The following KANK2 variants were observed in gnomAD, a reference collection of about 807,000 sequenced individuals.
The protein encoded by KANK2 is KN motif and ankyrin repeat domain-containing protein 2.
Under a neutral mutation model 74.6 loss-of-function variants are expected in KANK2, and 41 were observed. That is an observed-to-expected ratio of 0.55 (90% CI 0.43 to 0.71). KANK2 has a LOEUF of 0.71. Among genes scored for constraint, KANK2 ranks in the 30% least tolerant of loss-of-function variants. The pLI, the probability that KANK2 is intolerant of heterozygous loss-of-function variation, is 0.00. For missense variants in KANK2, 1,148 were observed against 1,196.4 expected, an observed-to-expected ratio of 0.96 and a Z score of 0.60; for synonymous variants, 537 against 519.0, an observed-to-expected ratio of 1.03 and a Z score of -0.47.
At position 11,195,708 on chromosome 19, in the gene KANK2, CACGTCTCTGTCTCTCT is replaced by C. The variant is rs1166555642; in HGVS notation, c.-182_-167del. The C allele has an allele frequency of 1.8e-5, 2 of 110,892 alleles. No individual in the cohort carries two copies. The highest frequency in any genetic ancestry group is 3.1e-4 in the South Asian group (1 of 3,204). The allele number at this position is 110,892 out of a possible 1,614,324, so 6.9% of individuals were successfully genotyped here. On this transcript the variant is annotated 5_prime_UTR_variant, in exon 2 of 13. Coordinates refer to ENST00000586659, the MANE Select transcript of KANK2 (RefSeq NM_001136191.3). ...CTCTCCACGTCTCTCTGTGTCTCTC[CACGTCTCTGTCTCTCT>C]GCGTCTCTCTCCACGTCTCTGTCCT...
chr19:11,190,047 C>T (rs973363096), intron 4 of KANK2, among the ~76,000 whole-genome samples: 2 of 152,220 alleles, frequency 1.3e-5, no homozygotes, highest in Non-Finnish European at 2.9e-5. Context: ...GCTCTGGCCA[C>T]CTGACATTTG....
At position 11,179,377 on chromosome 19, in the gene KANK2, G is replaced by A. The variant is rs545563585; in HGVS notation, c.1250-657C>T. Among the ~76,000 whole-genome samples the A allele has an allele frequency of 2.9e-4, 44 of 150,238 alleles. 2 individuals are homozygous for A. In the South Asian group the frequency reaches 8.8e-3, roughly 30 times the overall value. On this transcript the variant is annotated intron_variant, in intron 4 of 12. Transcript: ENST00000586659. ...TTGGTGGCCAGGCACAGTGGCTCAT[G>A]CCTGTAATCCCAGTACTTTAGGAGG... is the stretch of plus-strand genomic sequence containing the variant.
chr19:11,193,285 C>A lies in KANK2; in HGVS notation c.795G>T (p.Arg265=). The change falls in exon 4 of 13, where the codon CGG becomes CGT. Residue 265 remains arginine (R), a synonymous_variant. Coordinates refer to ENST00000586659, the MANE Select transcript of KANK2 (RefSeq NM_001136191.3). The surrounding 1 kb of genome is among the most constrained non-coding windows in gnomAD (Gnocchi z 9.6). ...PPEDPVALET[R]SVGTWVRERD... ...GTTCTCGAACCCAGGTGCCCACACT[C>A]CGGGTCTCCAGTGCCACTGGGTCCT... 1.9e-6 allele frequency: 3 copies of A among 1,611,730 alleles called. No homozygotes were observed. The highest frequency in any genetic ancestry group is 2.5e-6 in the Non-Finnish European group (3 of 1,179,826).
chr19:11,189,643 T>C (rs941163270), intron 4 of KANK2, among the ~76,000 whole-genome samples: 4 of 116,378 alleles, frequency 3.4e-5, no homozygotes, highest in African/African-American at 1.3e-4. Flanking sequence ...AAGGAAGATA[T>C]AGAAATGAAT....
intron 4 of KANK2, among the ~76,000 whole-genome samples, chr19:11,180,483 G>T (rs1158448096): frequency 6.6e-6 from 1 of 151,970 alleles, no homozygotes; most frequent in African/African-American, 2.4e-5. Context: ...CCAAATGCTG[G>T]ACATAGGCAA....
At position 11,193,503 on chromosome 19, in the gene KANK2, C is replaced by T; in HGVS notation, c.577G>A (p.Ala193Thr). The change falls in exon 4 of 13, where the codon GCG (alanine) becomes ACG (threonine). Residue 193 changes from alanine to threonine, a missense_variant. Transcript: ENST00000586659. The surrounding 1 kb of genome is among the most constrained non-coding windows in gnomAD (Gnocchi z 9.6). ...GHLAHVREQM[A>T]GALRKLRQLE... The stretch of plus-strand genomic sequence containing the variant: ...TGCCGCAGCTTCCGCAGGGCACCCG[C>T]CATCTGCTCCCGCACGTGGGCCAGG... 6.2e-7 allele frequency: 1 copy of T among 1,609,596 alleles called. No individual in the cohort carries two copies. The highest frequency in any genetic ancestry group is 8.5e-7 in the Non-Finnish European group (1 of 1,179,880).
chr19:11,172,281 T>G (rs1425524164), intron 10 of KANK2, among the ~76,000 whole-genome samples: 1 of 152,162 alleles, frequency 6.6e-6, no homozygotes, highest in African/African-American at 2.4e-5. Context: ...CTGGCCTTAA[T>G]TTTTTGAAAA....
At chr19:11,187,071 C>T (rs1022989150) in intron 4 of KANK2, among the ~76,000 whole-genome samples, 4 of 152,014 alleles carry the variant, frequency 2.6e-5, no homozygotes, top group Admixed American at 6.6e-5. Context: ...GCCTGGCCAA[C>T]GTGGTGAAAC....
chr19:11,170,149 C>T lies in KANK2; in HGVS notation c.2311G>A (p.Asp771Asn), dbSNP rs756878082. ...CEADVNVQDD[D>N]GSTALMCACE... ...GCGCACATGAGGGCCGTGGAGCCGT[C>T]ATCATCTTGCACGTTGACATCTGCC... is the stretch of plus-strand genomic sequence containing the variant. The change falls in exon 11 of 13, where the codon GAC (aspartate) becomes AAC (asparagine). Residue 771 changes from aspartate to asparagine, a missense_variant. Coordinates refer to ENST00000586659, the MANE Select transcript of KANK2 (RefSeq NM_001136191.3). The surrounding 1 kb of genome is among the most constrained non-coding windows in gnomAD (Gnocchi z 5.2). 1.2e-6 allele frequency: 2 copies of T among 1,612,378 alleles called. No individual in the cohort carries two copies. Among genetic ancestry groups the T allele is most frequent in the Admixed American group, 3.3e-5 (2 of 60,008 alleles).
chr19:11,193,429 C>T lies in KANK2; in HGVS notation c.651G>A (p.Ser217=), dbSNP rs140342163. The T allele has an allele frequency of 2.9e-5, 46 of 1,612,382 alleles. No homozygotes were observed. Among genetic ancestry groups the T allele is most frequent in the Admixed American group, 1.5e-4 (9 of 60,006 alleles). Residue 217 remains serine (S), a synonymous_variant, in exon 4 of 13, where the codon TCG becomes TCA. Transcript: ENST00000586659. This position sits in a 1 kb window ranked among gnomAD's most constrained non-coding sequence, Gnocchi z 9.6. ...GCTGCCGCTTTTCCTCCTGGAGCACCGAGAGCTTCACCTGGAGCACAGGGA... is the reference window on the plus strand; with the variant it reads ...GCTGCCGCTTTTCCTCCTGGAGCACTGAGAGCTTCACCTGGAGCACAGGGA... ...KLIPVLQVKL[S]VLQEEKRQLT...
intron 4 of KANK2, among the ~76,000 whole-genome samples, chr19:11,186,007 G>T (rs1023145589): frequency 5.3e-5 from 8 of 150,886 alleles, no homozygotes; most frequent in Admixed American, 2.6e-4. Flanking sequence ...CTCCAGCCTG[G>T]GTGACACAAT....
At position 11,174,473 on chromosome 19, in the gene KANK2, C is replaced by A. The variant is rs115046996; in HGVS notation, c.2068G>T (p.Gly690Cys). 2.8e-5 allele frequency: 45 copies of A among 1,604,754 alleles called. No individual in the cohort carries two copies. The highest frequency in any genetic ancestry group is 3.7e-5 in the Non-Finnish European group (44 of 1,175,896). The change falls in exon 9 of 13, where the codon GGT becomes TGT. Residue 690 changes from glycine (G) to cysteine (C), a missense_variant and splice_region_variant. Physicochemically the swap from Gly to Cys is radical, Grantham distance 159. Transcript: ENST00000586659. ...GCCTCGTCCTCCCCGCTGGGCTCAC[C>A]GCTGTCGAGCAGCTGCTGCACCACG... is the stretch of plus-strand genomic sequence containing the variant. ...FPVVQQLLDS[G>C]VCKVDKQNRA...
intron 4 of KANK2, 133 bp downstream of exon 4, chr19:11,192,698 G>A: frequency 1.8e-6 from 2 of 1,114,918 alleles, no homozygotes; most frequent in Non-Finnish European, 2.7e-6. Flanking sequence ...GCCTCCCAAA[G>A]TGCTGGGATT....
chr19:11,166,807 G>C (rs2078035373), intron 12 of KANK2, among the ~76,000 whole-genome samples, 196 bp from the exon 13 acceptor site: 1 of 152,198 alleles, frequency 6.6e-6, no homozygotes, highest in Non-Finnish European at 1.5e-5. Context: ...TTCACCGGGG[G>C]TGAGGGATGC....
At chr19:11,181,193 A>T (rs1160988967) in intron 4 of KANK2, among the ~76,000 whole-genome samples, 1 of 151,222 alleles carries the variant, frequency 6.6e-6, no homozygotes, top group Non-Finnish European at 1.5e-5. Flanking sequence ...GGACAAAAAC[A>T]TTGCATGATT....
At position 11,170,050 on chromosome 19, in the gene KANK2, G is replaced by A. The variant is rs762959202; in HGVS notation, c.2410C>T (p.Arg804Cys). The A allele has an allele frequency of 1.9e-6, 3 of 1,613,110 alleles. No homozygotes were observed. The highest frequency in any genetic ancestry group is 2.5e-6 in the Non-Finnish European group (3 of 1,179,186). ...VPSCDISLTD[R>C]DGSTALMVAL... ...GGTGCACCTGGTTGGAGACTCACGCGATCTGTGAGTGAGATGTCACAGCTG... is the reference window on the plus strand; with the variant it reads ...GGTGCACCTGGTTGGAGACTCACGCAATCTGTGAGTGAGATGTCACAGCTG... Residue 804 changes from arginine (R) to cysteine (C), a missense_variant and splice_region_variant, in exon 11 of 13, where the codon CGC (arginine) becomes TGC (cysteine). Arg to Cys is a radical substitution (Grantham distance 180, BLOSUM62 -3). Transcript: ENST00000586659. This position sits in a 1 kb window ranked among gnomAD's most constrained non-coding sequence, Gnocchi z 5.2.
In KANK2 at chr19:11,169,968, T is replaced by C. The variant is rs2078126289; in HGVS notation, c.2413-2A>G. 6.2e-7 allele frequency: 1 copy of C among 1,614,002 alleles called. No homozygotes were observed. The highest frequency in any genetic ancestry group is 8.5e-7 in the Non-Finnish European group (1 of 1,179,964). On this transcript the variant is annotated splice_acceptor_variant, in intron 11 of 12. Coordinates refer to ENST00000586659, the MANE Select transcript of KANK2 (RefSeq NM_001136191.3). LOFTEE classifies it high-confidence loss of function. ...CACCATCAGAGCTGTGCTCCCATCC[T>C]GCAAAGTATCCGGTGCTATGAATGA...
rs758543640 is a variant in KANK2, at chr19:11,176,581, A to C, written c.1757T>G (p.Ile586Ser). The stretch of plus-strand genomic sequence containing the variant: ...CCCTCCTACCCAGAAAACTGACCTG[A>C]TCTCCTCCTCCGTGTTTGATCCTGA... ...GASGSNTEEE[I>S]RMELSPDLIS... is the part of the protein sequence containing the mutation. Residue 586 changes from isoleucine (I) to serine (S), a missense_variant, in exon 7 of 13, where the codon ATC becomes AGC. Physicochemically the swap from Ile to Ser is moderately radical, Grantham distance 142 (BLOSUM62 -2). Transcript: ENST00000586659. 5 of 1,579,150 alleles carry C rather than the reference A, an allele frequency of 3.2e-6. No homozygotes were observed. The highest frequency in any genetic ancestry group is 4.3e-6 in the Non-Finnish European group (5 of 1,159,502).
In KANK2 at chr19:11,178,313, ATGGGGTGGGGGGTG is replaced by A. The variant is rs1182311068; in HGVS notation, c.1520+18_1520+31del. 3 of 600,712 alleles carry A rather than the reference ATGGGGTGGGGGGTG, an allele frequency of 5.0e-6. No individual in the cohort carries two copies. The South Asian group carries it at 6.3e-5, about 13-fold the overall frequency. 37.2% of individuals were successfully genotyped at this position (600,712 alleles called of 1,614,324 possible). ...GATGAATGGAGGAGGGGCGGGAAGTATGGGGTGGGGGGTGGGGTCTTCTCCTCTCACCCGCCGTT... is the reference window on the plus strand; with the variant it reads ...GATGAATGGAGGAGGGGCGGGAAGTAGGGTCTTCTCCTCTCACCCGCCGTT... On this transcript the variant is annotated intron_variant, in intron 6 of 12. Transcript: ENST00000586659.
Sources: gnomAD v4.1 joint callset for allele counts (sites outside exome capture counted in the v4.1 genomes callset) on GRCh38, gnomAD v4.1.1 for gene constraint, Gnocchi (gnomAD v3.1) non-coding constraint, MANE v1.5 for transcripts, NCBI Gene and HGNC (gene_info 2026-07-23, HGNC 2026-07-21) for gene names.